Variants in PKP4 observed in about 807,000 individuals in gnomAD.
PKP4 encodes the protein plakophilin-4.
Under a neutral mutation model 145.1 loss-of-function variants are expected in PKP4, and 90 were observed. The ratio of observed to expected loss-of-function variants is 0.62; its 90% CI spans 0.52 to 0.74. PKP4 has a LOEUF of 0.74. Among genes scored for constraint, PKP4 ranks in the 30% least tolerant of loss-of-function variants. The pLI, the probability that PKP4 is intolerant of heterozygous loss-of-function variation, is 0.00. For synonymous variants in PKP4, 563 were observed against 577.2 expected (o/e 0.98, Z 0.35); for missense variants, 1,340 against 1,482.7 (o/e 0.90, Z 1.58).
At position 158,552,129 on chromosome 2, in the gene PKP4, G is replaced by A. The variant is rs183143655; in HGVS notation, c.132+18813G>A. On this transcript the variant is annotated intron_variant, in intron 2 of 21. Coordinates refer to ENST00000389759, the MANE Select transcript of PKP4 (RefSeq NM_003628.6). ...ATGAGAGAGGCAGAGAGAGACACACGAGAAGGCTCTGTGAAGGTGGAGGCA... is the reference window on the plus strand; with the variant it reads ...ATGAGAGAGGCAGAGAGAGACACACAAGAAGGCTCTGTGAAGGTGGAGGCA... 2.7e-3 allele frequency among the ~76,000 whole-genome samples: 411 copies of A among 152,336 alleles called. 2 individuals are homozygous for A. The highest frequency in any genetic ancestry group is 4.4e-3 in the Admixed American group (67 of 15,302).
At chr2:158,596,839 A>G (rs920546989) in intron 3 of PKP4, among the ~76,000 whole-genome samples, 1 of 152,084 alleles carries the variant, frequency 6.6e-6, no homozygotes, top group Non-Finnish European at 1.5e-5. Context: ...CCAACCCCTT[A>G]CGGTTTTTGA....
chr2:158,504,145 G>A (rs1345369243), intron 1 of PKP4, among the ~76,000 whole-genome samples: 1 of 152,098 alleles, frequency 6.6e-6, no homozygotes, highest in East Asian at 1.9e-4. Context: ...TGCTGACAAT[G>A]TGACTTGTAT....
At chr2:158,663,582 G>A in intron 15 of PKP4, 137 bp downstream of exon 15, 2 of 691,698 alleles carry the variant, frequency 2.9e-6, no homozygotes, top group Non-Finnish European at 2.4e-6. Context: ...TGTGTGAAGG[G>A]GTTAAAGGGA....
chr2:158,663,521 G>A (rs1017662473), intron 15 of PKP4, 76 bp downstream of exon 15: 2 of 1,296,790 alleles, frequency 1.5e-6, no homozygotes, highest in African/African-American at 1.5e-5. Flanking sequence ...TATATGTTCT[G>A]CCTCAGTCAG....
At chr2:158,558,381 A>C (rs1382119786) in intron 2 of PKP4, among the ~76,000 whole-genome samples, 1 of 152,178 alleles carries the variant, frequency 6.6e-6, no homozygotes, top group African/African-American at 2.4e-5. Context: ...ACAGGATTCT[A>C]TGAAGGAGAC....
intron 2 of PKP4, among the ~76,000 whole-genome samples, chr2:158,536,387 A>G (rs1463479186): frequency 6.6e-6 from 1 of 152,230 alleles, no homozygotes; most frequent in Non-Finnish European, 1.5e-5. Context: ...GGAATTGCAA[A>G]GTAGTATCTT....
chr2:158,457,488 C>T (rs897099114), intron 1 of PKP4: 5 of 152,436 alleles, frequency 3.3e-5, no homozygotes, highest in African/African-American at 1.2e-4. Flanking sequence ...CCCCGGTCTC[C>T]CGTACGCGCA....
At chr2:158,509,807 C>T (rs1405416420) in intron 1 of PKP4, among the ~76,000 whole-genome samples, 1 of 152,030 alleles carries the variant, frequency 6.6e-6, no homozygotes, top group African/African-American at 2.4e-5. Flanking sequence ...ATTAGCCAGG[C>T]GTGGTGGCAC....
At chr2:158,498,018 A>G (rs889576647) in intron 1 of PKP4, among the ~76,000 whole-genome samples, 2 of 152,196 alleles carry the variant, frequency 1.3e-5, no homozygotes, top group Non-Finnish European at 2.9e-5. Flanking sequence ...AGAGAGGATA[A>G]TGGAGGAAGG....
At chr2:158,538,712 T>G (rs2044273103) in intron 2 of PKP4, among the ~76,000 whole-genome samples, 1 of 152,002 alleles carries the variant, frequency 6.6e-6, no homozygotes, top group African/African-American at 2.4e-5. Flanking sequence ...CAGTTAATTT[T>G]TGTATTTTTA....
chr2:158,518,536 C>T (rs1336891670), intron 1 of PKP4, among the ~76,000 whole-genome samples: 2 of 152,016 alleles, frequency 1.3e-5, no homozygotes, highest in Non-Finnish European at 2.9e-5. Context: ...TCACTTTTAT[C>T]AGCTCCTCAC....
At chr2:158,669,948 T>A (rs776512574) in intron 17 of PKP4, 33 bp downstream of exon 17, 4 of 1,547,890 alleles carry the variant, frequency 2.6e-6, no homozygotes, top group Non-Finnish European at 3.5e-6. Context: ...CAAGCAGTGC[T>A]CTTATTCCTG....
At chr2:158,584,941 G>C (rs944353047) in intron 3 of PKP4, among the ~76,000 whole-genome samples, 3 of 152,080 alleles carry the variant, frequency 2.0e-5, no homozygotes, top group African/African-American at 4.8e-5. Context: ...TTGGTTCCAA[G>C]TATTTGATTT....
chr2:158,550,135 C>A (rs1028801030), intron 2 of PKP4, among the ~76,000 whole-genome samples: 1 of 102,402 alleles, frequency 9.8e-6, no homozygotes, highest in African/African-American at 2.7e-5. Context: ...TACTTTTCTG[C>A]CAAGAAGAAG....
At chr2:158,592,762 C>G (rs1342370462) in intron 3 of PKP4, among the ~76,000 whole-genome samples, 1 of 152,042 alleles carries the variant, frequency 6.6e-6, no homozygotes, top group Non-Finnish European at 1.5e-5. Flanking sequence ...CAAATTTAGG[C>G]TTAAAATTCC....
At chr2:158,650,377 G>A (rs766801764) in intron 11 of PKP4, among the ~76,000 whole-genome samples, 3 of 152,170 alleles carry the variant, frequency 2.0e-5, no homozygotes. Flanking sequence ...AAATTACCTA[G>A]AATAAAGAAG....
intron 11 of PKP4, among the ~76,000 whole-genome samples, chr2:158,653,367 AAGTT>A (rs1166362083): frequency 2.0e-5 from 3 of 152,308 alleles, no homozygotes; most frequent in Admixed American, 2.0e-4. Flanking sequence ...AATAGCTATA[AAGTT>A]AGTTTTAAAT....
intron 4 of PKP4, among the ~76,000 whole-genome samples, chr2:158,613,619 T>C (rs1310655517): frequency 6.6e-6 from 1 of 152,158 alleles, no homozygotes; most frequent in Non-Finnish European, 1.5e-5. Context: ...GGTGATTGCA[T>C]TGTACAACCA....
chr2:158,602,959 C>T, intron 3 of PKP4, 111 bp from the exon 4 acceptor site: 1 of 543,550 alleles, frequency 1.8e-6, no homozygotes, highest in South Asian at 2.8e-5. Context: ...GGTTTTTGTG[C>T]TCTTGTATAA....
Sources: gnomAD v4.1 joint callset for allele counts (sites outside exome capture counted in the v4.1 genomes callset) on GRCh38, gnomAD v4.1.1 for gene constraint, MANE v1.5 for transcripts, NCBI Gene and HGNC (gene_info 2026-07-23, HGNC 2026-07-21) for gene names.